DNAJC1: variants seen among roughly 807,000 people sequenced by gnomAD.
DNAJC1 encodes DnaJ heat shock protein family (Hsp40) member C1.
A neutral mutation model predicts 76.6 loss-of-function variants in DNAJC1; 58 were observed. That is an observed-to-expected ratio of 0.76 (90% CI 0.61 to 0.94). DNAJC1 has a LOEUF of 0.94. DNAJC1 is among the 40% of genes least tolerant of loss of function. DNAJC1 has a pLI of 0.00. For missense variants in DNAJC1, 689 were observed against 677.3 expected, an observed-to-expected ratio of 1.02 and a Z score of -0.19; for synonymous variants, 258 against 267.9, an observed-to-expected ratio of 0.96 and a Z score of 0.36.
intron 1 of DNAJC1, among the ~76,000 whole-genome samples, chr10:21,937,669 C>G (rs1351631444): frequency 6.6e-6 from 1 of 152,072 alleles, no homozygotes; most frequent in Non-Finnish European, 1.5e-5. Context: ...ACGCATTTTT[C>G]TGAAGTGCAT....
At chr10:21,785,931 G>T (rs921286820) in intron 9 of DNAJC1, among the ~76,000 whole-genome samples, 1 of 152,148 alleles carries the variant, frequency 6.6e-6, no homozygotes, top group African/African-American at 2.4e-5. Flanking sequence ...GTTATAGAGC[G>T]TTCCTCCATT....
intron 9 of DNAJC1, among the ~76,000 whole-genome samples, chr10:21,769,870 G>T (rs1428565773): frequency 6.6e-6 from 1 of 152,032 alleles, no homozygotes; most frequent in Non-Finnish European, 1.5e-5. Context: ...ATTTTTAGTA[G>T]AGATGGGGTT....
intron 6 of DNAJC1, 81 bp from the exon 7 acceptor site, chr10:21,904,693 G>A: frequency 1.3e-6 from 1 of 768,958 alleles, no homozygotes; most frequent in Non-Finnish European, 2.0e-6. Context: ...TAACTTTAAA[G>A]CATTATATTC....
At chr10:21,816,791 C>T (rs557605937) in intron 8 of DNAJC1, among the ~76,000 whole-genome samples, 8 of 144,042 alleles carry the variant, frequency 5.6e-5, no homozygotes, top group East Asian at 2.2e-4. Flanking sequence ...GTGATCCACC[C>T]GCCTTGGCCT....
At chr10:21,990,663 C>T (rs1004232438) in intron 1 of DNAJC1, among the ~76,000 whole-genome samples, 2 of 152,130 alleles carry the variant, frequency 1.3e-5, no homozygotes, top group African/African-American at 4.8e-5. Context: ...ACAGAAGAGA[C>T]TCCTATATAA....
At chr10:21,888,772 C>T (rs1836409608) in intron 7 of DNAJC1, among the ~76,000 whole-genome samples, 1 of 151,922 alleles carries the variant, frequency 6.6e-6, no homozygotes, top group South Asian at 2.1e-4. Context: ...CTGGGGTCTA[C>T]TTGAGGTTGG....
chr10:21,906,438 T>C (rs1355988616), intron 6 of DNAJC1, among the ~76,000 whole-genome samples: 1 of 152,194 alleles, frequency 6.6e-6, no homozygotes, highest in East Asian at 1.9e-4. Context: ...TGTGAATGAA[T>C]GAATGAGCTT....
At chr10:21,992,241 G>A (rs1838336748) in intron 1 of DNAJC1, among the ~76,000 whole-genome samples, 1 of 152,232 alleles carries the variant, frequency 6.6e-6, no homozygotes, top group African/African-American at 2.4e-5. Context: ...AATCCGGGAG[G>A]CGGAGGTTGC....
chr10:21,845,635 C>T (rs1226461794), intron 8 of DNAJC1, among the ~76,000 whole-genome samples: 1 of 152,034 alleles, frequency 6.6e-6, no homozygotes. Context: ...CTGTGCCCTG[C>T]CTAGGACATT....
intron 8 of DNAJC1, among the ~76,000 whole-genome samples, chr10:21,824,940 A>C (rs976110663): frequency 6.6e-6 from 1 of 151,820 alleles, no homozygotes; most frequent in Non-Finnish European, 1.5e-5. Context: ...ATGCCTGGCT[A>C]ATTTTTTGTA....
At position 21,928,667 on chromosome 10, in the gene DNAJC1, T is replaced by C. The variant is rs931450149; in HGVS notation, c.325-115A>G. ...AAATCCTATGTGCCTATATATACAA[T>C]AAACAGATGAAATCTCCTTTATAAG... On this transcript the variant is annotated intron_variant, in intron 2 of 11. Coordinates refer to ENST00000376980, the MANE Select transcript of DNAJC1 (RefSeq NM_022365.4). 11 of 754,778 alleles carry C rather than the reference T, an allele frequency of 1.5e-5. No individual in the cohort carries two copies. In the African/African-American group the frequency reaches 1.8e-4, roughly 12 times the overall value. The allele number at this position is 754,778 out of a possible 1,614,324, so 46.8% of individuals were successfully genotyped here.
chr10:21,780,991 A>C (rs1834521294), intron 9 of DNAJC1, among the ~76,000 whole-genome samples: 1 of 152,236 alleles, frequency 6.6e-6, no homozygotes, highest in African/African-American at 2.4e-5. Flanking sequence ...AAAGATCAAA[A>C]GAGACAAGGC....
Position 21,920,904 on chromosome 10 carries a change from C to T in DNAJC1, c.431G>A (p.Arg144Lys). Reference sequence around the variant, plus strand: ...AGCATTGCTCATTTTTCTCACCCGCCTGTAGTAGAATACAGGCTGTCGCCA... The same window carrying T: ...AGCATTGCTCATTTTTCTCACCCGCTTGTAGTAGAATACAGGCTGTCGCCA... ...PDWRQPVFYY[R>K]RVRKMSNAEL... The change falls in exon 4 of 12, where the codon AGG (arginine) becomes AAG (lysine). Residue 144 changes from arginine to lysine, a missense_variant. Coordinates refer to ENST00000376980, the MANE Select transcript of DNAJC1 (RefSeq NM_022365.4). 1.2e-6 allele frequency: 2 copies of T among 1,612,996 alleles called. No individual in the cohort carries two copies. Among genetic ancestry groups the T allele is most frequent in the Non-Finnish European group, 1.7e-6 (2 of 1,179,256 alleles).
chr10:21,944,437 G>C (rs1164477527), intron 1 of DNAJC1, among the ~76,000 whole-genome samples: 1 of 152,114 alleles, frequency 6.6e-6, no homozygotes, highest in Non-Finnish European at 1.5e-5. Flanking sequence ...AGTATGGTTT[G>C]TAATTCTCTG....
intron 9 of DNAJC1, among the ~76,000 whole-genome samples, chr10:21,778,388 A>G (rs1158942898): frequency 6.6e-6 from 1 of 152,194 alleles, no homozygotes; most frequent in Non-Finnish European, 1.5e-5. Flanking sequence ...TTTAGTTCAA[A>G]TATCGTGTGG....
In DNAJC1 at chr10:21,806,222, T is replaced by C. The variant is rs148400593; in HGVS notation, c.979-123A>G. Reference sequence around the variant, plus strand: ...AGCAAATTATTGGCAATATGCTTTCTGTAAAAAACAATACTAAATTGTATC... The same window carrying C: ...AGCAAATTATTGGCAATATGCTTTCCGTAAAAAACAATACTAAATTGTATC... On this transcript the variant is annotated intron_variant, in intron 8 of 11. Transcript: ENST00000376980. 1.3e-3 allele frequency: 1,384 copies of C among 1,072,220 alleles called. 11 individuals carry two copies. In the African/African-American group the frequency reaches 0.02, roughly 15 times the overall value. 66.4% of individuals were successfully genotyped at this position (1,072,220 alleles called of 1,614,324 possible). A position where few individuals can be genotyped will look rare whatever the true frequency, so the allele number is the denominator to read the frequency against.
intron 8 of DNAJC1, among the ~76,000 whole-genome samples, chr10:21,813,915 TGTGA>T (rs2131649013): frequency 6.6e-6 from 1 of 152,354 alleles, no homozygotes; most frequent in Non-Finnish European, 1.5e-5. Context: ...CTGCTGCTGC[TGTGA>T]GTAATAAACT....
intron 11 of DNAJC1, among the ~76,000 whole-genome samples, chr10:21,758,616 C>T (rs1401871034): frequency 1.3e-5 from 2 of 150,428 alleles, no homozygotes. Flanking sequence ...CGGAGATGGC[C>T]TCAGGGCCTC....
intron 1 of DNAJC1, among the ~76,000 whole-genome samples, chr10:21,932,465 G>A (rs1168819346): frequency 6.6e-6 from 1 of 152,162 alleles, no homozygotes; most frequent in Non-Finnish European, 1.5e-5. Context: ...GAGAAACAGT[G>A]AAAATAACCT....
Sources: allele counts gnomAD v4.1 joint callset (sites outside exome capture counted in the v4.1 genomes callset), GRCh38; gene constraint gnomAD v4.1.1; transcripts MANE v1.5; gene names NCBI Gene and HGNC (gene_info 2026-07-23, HGNC 2026-07-21).